The following AUTS2 variants were observed in gnomAD, a reference collection of about 807,000 sequenced individuals.
AUTS2 encodes activator of transcription and developmental regulator AUTS2, also known as autism susceptibility gene 2 protein.
Under a neutral mutation model 112.4 loss-of-function variants are expected in AUTS2, and 17 were observed. The observed-to-expected ratio is 0.15, with a 90% CI of 0.10 to 0.23. The LOEUF is 0.23. Ranked by LOEUF, AUTS2 falls within the 10% of genes least tolerant of loss-of-function variation. AUTS2 has a pLI of 1.00. For synonymous variants in AUTS2, 751 were observed against 702.7 expected (o/e 1.07, Z -1.09); for missense variants, 1,510 against 1,701.6 (o/e 0.89, Z 1.98).
At chr7:70,353,792 G>A (rs1173282290) in intron 4 of AUTS2, among the ~76,000 whole-genome samples, 1 of 152,120 alleles carries the variant, frequency 6.6e-6, no homozygotes, top group African/African-American at 2.4e-5. Flanking sequence ...TTGACATTTT[G>A]GGAATGAGAA....
Position 70,316,591 on chromosome 7 carries a change from G to A in AUTS2, c.661-119161G>A, listed in dbSNP as rs117294580. Among the ~76,000 whole-genome samples, 2,304 of 152,002 alleles carry A rather than the reference G, an allele frequency of 0.015. 154 individuals are homozygous for A. The East Asian group carries it at 0.23, about 15-fold the overall frequency. On this transcript the variant is annotated intron_variant, in intron 4 of 18. Transcript: ENST00000342771. ...TTTTTTGTATTTTTAGTAGAGCTGA[G>A]TTTTGCTGTGTTGGCCAGGCTGGTC...
At chr7:69,882,884 T>C (rs927834595) in intron 1 of AUTS2, among the ~76,000 whole-genome samples, 1 of 152,234 alleles carries the variant, frequency 6.6e-6, no homozygotes, top group Non-Finnish European at 1.5e-5. Flanking sequence ...CCTTTTAGAA[T>C]GACAGTTTCC....
intron 1 of AUTS2, among the ~76,000 whole-genome samples, chr7:69,700,709 A>G (rs1404550139): frequency 6.6e-6 from 1 of 152,212 alleles, no homozygotes; most frequent in Admixed American, 6.5e-5. Flanking sequence ...CCTTGCCTCA[A>G]GTTTGTATTT....
At chr7:70,540,804 G>A (rs1315344834) in intron 5 of AUTS2, among the ~76,000 whole-genome samples, 2 of 152,166 alleles carry the variant, frequency 1.3e-5, no homozygotes, top group Non-Finnish European at 2.9e-5. Context: ...GAGGTGGTAG[G>A]TGACTTCATT....
At chr7:70,088,443 T>C (rs991670435) in intron 2 of AUTS2, among the ~76,000 whole-genome samples, 1 of 151,950 alleles carries the variant, frequency 6.6e-6, no homozygotes, top group Admixed American at 6.6e-5. Flanking sequence ...TTCATTCATA[T>C]TCTTTATTGC....
Position 69,599,853 on chromosome 7 carries a change from C to A in AUTS2, c.200C>A (p.Pro67Gln). 1 of 1,612,872 alleles carries A rather than the reference C, an allele frequency of 6.2e-7. No individual in the cohort carries two copies. Among genetic ancestry groups the A allele is most frequent in the Non-Finnish European group, 8.5e-7 (1 of 1,179,726 alleles). ...AATGGGAAGCCCCCGTCCTCCGCCC[C>A]GTCCCGGCCCAGACCCCCGCGGAGG... ...EDNGKPPSSAPSRPRPPRRKR... is the reference protein window; with the variant it reads ...EDNGKPPSSAQSRPRPPRRKR... The change falls in exon 1 of 19, where the codon CCG becomes CAG. Residue 67 changes from proline to glutamine, a missense_variant. Coordinates refer to ENST00000342771, the MANE Select transcript of AUTS2 (RefSeq NM_015570.4). This position sits in a 1 kb window ranked among gnomAD's most constrained non-coding sequence, Gnocchi z 7.0.
intron 1 of AUTS2, among the ~76,000 whole-genome samples, chr7:69,671,211 T>C (rs762406697): frequency 2.6e-5 from 4 of 152,162 alleles, no homozygotes; most frequent in Non-Finnish European, 5.9e-5. Flanking sequence ...AATGCCTACA[T>C]GTAAAAGGAT....
At position 70,790,002 on chromosome 7, in the gene AUTS2, C is replaced by G. The variant is rs200872171; in HGVS notation, c.2786C>G (p.Ala929Gly). The change falls in exon 19 of 19, where the codon GCG becomes GGG. Residue 929 changes from alanine to glycine, a missense_variant. Around this residue, in one of 3 missense-constraint regions of AUTS2, gnomAD observed 788 missense variants for 797.6 expected, o/e 0.99. Coordinates refer to ENST00000342771, the MANE Select transcript of AUTS2 (RefSeq NM_015570.4). This position sits in a 1 kb window ranked among gnomAD's most constrained non-coding sequence, Gnocchi z 7.6. ...KDGHGHEGRA[A>G]GEEAKQLARV... Reference sequence around the variant, plus strand: ...GGGCACGGCCACGAGGGGCGCGCCGCGGGCGAAGAGGCCAAGCAGCTGGCC... The same window carrying G: ...GGGCACGGCCACGAGGGGCGCGCCGGGGGCGAAGAGGCCAAGCAGCTGGCC... The G allele has an allele frequency of 4.5e-5, 72 of 1,599,446 alleles. No homozygotes were observed. The highest frequency in any genetic ancestry group is 1.7e-4 in the Middle Eastern group (1 of 6,038).
chr7:69,984,626 CTT>C (rs1338525672), intron 2 of AUTS2, among the ~76,000 whole-genome samples: 3 of 152,144 alleles, frequency 2.0e-5, no homozygotes, highest in Non-Finnish European at 4.4e-5. Context: ...AGGTCAGACA[CTT>C]TCCCCCACGC....
In AUTS2 at chr7:70,081,493, G is replaced by A. The variant is rs1803312958; in HGVS notation, c.523-36639G>A. 4.6e-5 allele frequency among the ~76,000 whole-genome samples: 7 copies of A among 151,978 alleles called. No individual in the cohort carries two copies. The South Asian group carries it at 1.3e-3, about 27-fold the overall frequency. On this transcript the variant is annotated intron_variant, in intron 2 of 18. Transcript: ENST00000342771. The stretch of plus-strand genomic sequence containing the variant: ...GGAGAATCGCTTGAACCCGGGAGAT[G>A]GAGGTTGTAGTGAGCCAAGATCATG...
intron 1 of AUTS2, among the ~76,000 whole-genome samples, chr7:69,876,397 G>T (rs1196535575): frequency 5.2e-5 from 4 of 77,280 alleles, no homozygotes; most frequent in South Asian, 9.7e-4. Context: ...TATATAATAT[G>T]TATTATATAT....
chr7:70,086,994 C>CTAG (rs2062728403), intron 2 of AUTS2, among the ~76,000 whole-genome samples: 1 of 150,760 alleles, frequency 6.6e-6, no homozygotes, highest in Non-Finnish European at 1.5e-5. Flanking sequence ...GCTGCAATCT[C>CTAG]TAGTATAATG....
chr7:70,009,555 A>T (rs1799702677), intron 2 of AUTS2, among the ~76,000 whole-genome samples: 1 of 152,242 alleles, frequency 6.6e-6, no homozygotes, highest in African/African-American at 2.4e-5. Context: ...TATTTAAAGC[A>T]CTGAAGTATT....
intron 5 of AUTS2, among the ~76,000 whole-genome samples, chr7:70,676,214 G>A (rs1280878873): frequency 6.6e-6 from 1 of 152,166 alleles, no homozygotes; most frequent in African/African-American, 2.4e-5. Context: ...GCCAAGATGG[G>A]AGGATCACTT....
chr7:69,976,233 T>C (rs1232214170), intron 2 of AUTS2, among the ~76,000 whole-genome samples: 1 of 152,244 alleles, frequency 6.6e-6, no homozygotes. Context: ...GTGGATACCT[T>C]ATGAATATGG....
chr7:69,625,088 A>T (rs1015128638), intron 1 of AUTS2, among the ~76,000 whole-genome samples: 1 of 152,160 alleles, frequency 6.6e-6, no homozygotes, highest in Non-Finnish European at 1.5e-5. Context: ...GCCCAAGTGT[A>T]TGGATAATAG....
intron 2 of AUTS2, among the ~76,000 whole-genome samples, chr7:70,116,352 C>T (rs1805356348): frequency 6.6e-6 from 1 of 152,142 alleles, no homozygotes; most frequent in Non-Finnish European, 1.5e-5. Context: ...AAAGCTGACT[C>T]TGTGAATGGT....
At chr7:69,765,166 G>C (rs1788365404) in intron 1 of AUTS2, among the ~76,000 whole-genome samples, 1 of 152,170 alleles carries the variant, frequency 6.6e-6, no homozygotes, top group Non-Finnish European at 1.5e-5. Flanking sequence ...ATTACATGTA[G>C]CAATCCAAAA....
At chr7:70,609,589 T>G (rs1241460790) in intron 5 of AUTS2, among the ~76,000 whole-genome samples, 1 of 143,266 alleles carries the variant, frequency 7.0e-6, no homozygotes, top group Admixed American at 6.9e-5. Flanking sequence ...TGTTTTTTTT[T>G]TTTGTTGTTT....
Sources: gnomAD v4.1 joint callset for allele counts (sites outside exome capture counted in the v4.1 genomes callset) on GRCh38, gnomAD v4.1.1 for gene constraint, gnomAD v4.1.1 regional missense constraint, Gnocchi (gnomAD v3.1) non-coding constraint, MANE v1.5 for transcripts, NCBI Gene and HGNC (gene_info 2026-07-23, HGNC 2026-07-21) for gene names.